The following SCHIP1 variants were observed in gnomAD, a reference collection of about 807,000 sequenced individuals.
SCHIP1 encodes schwannomin-interacting protein 1.
Under a neutral mutation model 29.7 loss-of-function variants are expected in SCHIP1, and 8 were observed. The observed-to-expected ratio is 0.27, with a 90% confidence interval of 0.16 to 0.49. The LOEUF (loss-of-function observed/expected upper bound fraction) is 0.49, where lower values mean the gene tolerates loss of function less well. Among genes scored for constraint, SCHIP1 ranks in the 20% least tolerant of loss-of-function variants. The pLI, the probability that SCHIP1 is intolerant of heterozygous loss-of-function variation, is 0.99. For missense variants in SCHIP1, 193 were observed against 294.6 expected, an observed-to-expected ratio of 0.66 and a Z score of 2.52; for synonymous variants, 76 against 94.9, an observed-to-expected ratio of 0.80 and a Z score of 1.16.
At chr3:159,834,577 T>G in the SCHIP1 span, among the ~76,000 whole-genome samples, 1 of 152,204 alleles carries the variant, frequency 6.6e-6, no homozygotes, top group East Asian at 1.9e-4. Flanking sequence ...GTTTATTGTC[T>G]GTAGATGATG....
chr3:159,523,927 G>A, the SCHIP1 span, among the ~76,000 whole-genome samples: 1 of 152,198 alleles, frequency 6.6e-6, no homozygotes, highest in African/African-American at 2.4e-5. Flanking sequence ...CAGCTTAATT[G>A]CTGAATCCCC....
the SCHIP1 span, among the ~76,000 whole-genome samples, chr3:159,714,543 C>A: frequency 6.6e-6 from 1 of 152,246 alleles, no homozygotes; most frequent in Non-Finnish European, 1.5e-5. Flanking sequence ...GTCACTCCCA[C>A]CCTAATACTG....
the SCHIP1 span, among the ~76,000 whole-genome samples, chr3:159,678,834 TAAGGA>T: frequency 4.6e-5 from 7 of 152,172 alleles, no homozygotes; most frequent in Non-Finnish European, 1.0e-4. Flanking sequence ...AGAATGAGTA[TAAGGA>T]AAGGCGGGGG....
At chr3:159,559,774 A>C in the SCHIP1 span, among the ~76,000 whole-genome samples, 1 of 152,114 alleles carries the variant, frequency 6.6e-6, no homozygotes, top group Non-Finnish European at 1.5e-5. Flanking sequence ...CAGAGTCATC[A>C]GCTCTGATTT....
chr3:159,649,468 A>G, the SCHIP1 span, among the ~76,000 whole-genome samples: 1 of 152,214 alleles, frequency 6.6e-6, no homozygotes, highest in Non-Finnish European at 1.5e-5. Context: ...AAAAACAGCG[A>G]AAGAACCAAA....
At chr3:159,325,061 T>C in the SCHIP1 span, among the ~76,000 whole-genome samples, 31 of 152,168 alleles carry the variant, frequency 2.0e-4, no homozygotes, top group Admixed American at 1.8e-3. Context: ...TAAGGTCCTA[T>C]TGAGTTTGGT....
chr3:159,392,594 A>C, the SCHIP1 span, among the ~76,000 whole-genome samples: 3 of 151,962 alleles, frequency 2.0e-5, no homozygotes, highest in African/African-American at 7.3e-5. Context: ...TAGTTTACTG[A>C]GAATGATGAT....
At chr3:159,748,920 A>G in the SCHIP1 span, among the ~76,000 whole-genome samples, 2 of 152,196 alleles carry the variant, frequency 1.3e-5, no homozygotes, top group East Asian at 3.8e-4. Context: ...ATTTTTTACA[A>G]TAGTTACCAA....
intron 2 of SCHIP1, among the ~76,000 whole-genome samples, chr3:159,878,641 A>G (rs1244394519): frequency 5.0e-5 from 7 of 138,714 alleles, no homozygotes; most frequent in Admixed American, 2.9e-4. Context: ...AGCCGGGCGT[A>G]GTGGCGGGCG....
the SCHIP1 span, among the ~76,000 whole-genome samples, chr3:159,771,061 A>C: frequency 1.3e-5 from 2 of 152,246 alleles, no homozygotes. Flanking sequence ...TTATTTCCAA[A>C]GTACTTGAAA....
At chr3:159,488,288 A>G in the SCHIP1 span, among the ~76,000 whole-genome samples, 6 of 152,222 alleles carry the variant, frequency 3.9e-5, no homozygotes, top group African/African-American at 1.4e-4. Context: ...GAGTGACTAC[A>G]GTCAATAATT....
At chr3:159,726,677 G>C in the SCHIP1 span, among the ~76,000 whole-genome samples, 1 of 152,128 alleles carries the variant, frequency 6.6e-6, no homozygotes, top group African/African-American at 2.4e-5. Context: ...TAGCTTATGG[G>C]AACAGTAAAT....
the SCHIP1 span, among the ~76,000 whole-genome samples, chr3:159,806,806 T>C: frequency 4.5e-4 from 69 of 152,348 alleles, no homozygotes; most frequent in African/African-American, 1.6e-3. Flanking sequence ...CATCTTTCTT[T>C]TCCCCTTTTC....
chr3:159,846,698 A>AT (rs1254088811), intron 1 of SCHIP1, among the ~76,000 whole-genome samples: 1 of 152,132 alleles, frequency 6.6e-6, no homozygotes, highest in African/African-American at 2.4e-5. Context: ...TATTCTATAG[A>AT]TTTTTTTGAT....
the SCHIP1 span, among the ~76,000 whole-genome samples, chr3:159,616,645 G>T: frequency 6.6e-6 from 1 of 152,200 alleles, no homozygotes; most frequent in Non-Finnish European, 1.5e-5. Flanking sequence ...CCTTCAGATA[G>T]TATATCAGAA....
At chr3:159,707,757 C>G in the SCHIP1 span, among the ~76,000 whole-genome samples, 2 of 152,138 alleles carry the variant, frequency 1.3e-5, no homozygotes, top group Admixed American at 1.3e-4. Flanking sequence ...AAGAATTGTT[C>G]TAGATCAAGG....
the SCHIP1 span, among the ~76,000 whole-genome samples, chr3:159,618,660 CTT>C: frequency 2.0e-5 from 3 of 152,248 alleles, no homozygotes; most frequent in African/African-American, 7.2e-5. Flanking sequence ...CGAAACAAAA[CTT>C]AGACTGTCAG....
chr3:159,873,620 C>T (rs1715493931), intron 2 of SCHIP1, among the ~76,000 whole-genome samples: 1 of 152,198 alleles, frequency 6.6e-6, no homozygotes, highest in African/African-American at 2.4e-5. Flanking sequence ...TGCTTCATAA[C>T]TCAACTAATT....
chr3:159,452,768 C>G, the SCHIP1 span, among the ~76,000 whole-genome samples: 1 of 152,196 alleles, frequency 6.6e-6, no homozygotes, highest in Non-Finnish European at 1.5e-5. Context: ...CTCCCACCAA[C>G]AGTATAAAAG....
Sources: allele counts gnomAD v4.1 joint callset (sites outside exome capture counted in the v4.1 genomes callset), GRCh38; gene constraint gnomAD v4.1.1; transcripts MANE v1.5; gene names NCBI Gene and HGNC (gene_info 2026-07-23, HGNC 2026-07-21).